C3orf20: variants seen among roughly 807,000 people sequenced by gnomAD.
C3orf20 encodes uncharacterized protein C3orf20.
C3orf20 carries 76 observed loss-of-function variants against 88.3 expected under a neutral mutation model. That is an observed-to-expected ratio of 0.86 (90% CI 0.72 to 1.04). The LOEUF is 1.04. Ranked by LOEUF, C3orf20 falls within the 50% of genes least tolerant of loss-of-function variation. The pLI is 0.00. For synonymous variants in C3orf20, 436 were observed against 437.4 expected, an observed-to-expected ratio of 1.00 and a Z score of 0.04; for missense variants, 1,056 against 1,123.3, an observed-to-expected ratio of 0.94 and a Z score of 0.86.
In C3orf20 at chr3:14,759,727, G is replaced by C. The variant is rs1168027059; in HGVS notation, c.2245-164G>C. 2.0e-5 allele frequency among the ~76,000 whole-genome samples: 3 copies of C among 152,182 alleles called. No individual in the cohort carries two copies. The East Asian group carries it at 5.8e-4, about 29-fold the overall frequency. On this transcript the variant is annotated intron_variant, in intron 13 of 16. Coordinates refer to ENST00000253697, the MANE Select transcript of C3orf20 (RefSeq NM_032137.5). ...CATCCTCAAGGGACAGTCATGGGAG[G>C]TGTGCATGCAGGCCCAAGGGCCCCT...
At chr3:14,767,489 T>A (rs1206561980) in intron 15 of C3orf20, 1 of 152,200 alleles carries the variant, frequency 6.6e-6, no homozygotes, top group Middle Eastern at 3.1e-3. Context: ...CCCTGTGGGA[T>A]GGGGGTGTAG....
At chr3:14,681,774 ACT>A (rs2032106614) in intron 1 of C3orf20, among the ~76,000 whole-genome samples, 1 of 151,688 alleles carries the variant, frequency 6.6e-6, no homozygotes, top group East Asian at 1.9e-4. Flanking sequence ...TGGTTACAAA[ACT>A]CTGCCAGTGT....
chr3:14,756,047 A>G (rs1228650481), intron 12 of C3orf20, among the ~76,000 whole-genome samples: 1 of 137,438 alleles, frequency 7.3e-6, no homozygotes, highest in Non-Finnish European at 1.6e-5. Flanking sequence ...AAAAAAAAAA[A>G]GAAAAAGAAA....
chr3:14,761,709 C>T, intron 15 of C3orf20, 94 bp downstream of exon 15: 1 of 1,270,794 alleles, frequency 7.9e-7, no homozygotes, highest in Admixed American at 1.8e-5. Flanking sequence ...CTGAGGGGAG[C>T]AGGCGGGGCT....
At chr3:14,764,846 A>C (rs1232475891) in intron 15 of C3orf20, 1 of 152,252 alleles carries the variant, frequency 6.6e-6, no homozygotes, top group Non-Finnish European at 1.5e-5. Context: ...GCAGCATTAC[A>C]CATTCCATTG....
In C3orf20 at chr3:14,743,561, C is replaced by T. The variant is rs534043214; in HGVS notation, c.1941-13810C>T. 3.3e-5 allele frequency among the ~76,000 whole-genome samples: 5 copies of T among 152,108 alleles called. No homozygotes were observed. The South Asian group carries it at 1.0e-3, about 32-fold the overall frequency. ...TCTCACAGCTCCACTAGGCAGTGCC[C>T]CAGTAGGGACTTTGCATGGGGGCTC... On this transcript the variant is annotated intron_variant, in intron 12 of 16. Transcript: ENST00000253697.
In C3orf20 at chr3:14,682,736, T is replaced by C. The variant is rs1355685011; in HGVS notation, c.23T>C (p.Leu8Pro). The part of the protein sequence containing the change: MSYIKSN[L>P]ELYQQYTAMA... ...CTCATGAGTTACATCAAGAGTAACC[T>C]AGAATTATATCAGCAATACACAGCC... is the stretch of plus-strand genomic sequence containing the variant. The change falls in exon 3 of 17, where the codon CTA (leucine) becomes CCA (proline). Residue 8 changes from leucine (L) to proline (P), a missense_variant. Coordinates refer to ENST00000253697, the MANE Select transcript of C3orf20 (RefSeq NM_032137.5). The C allele has an allele frequency of 1.2e-6, 2 of 1,612,724 alleles. No homozygotes were observed. Among genetic ancestry groups the C allele is most frequent in the East Asian group, 2.2e-5 (1 of 44,884 alleles).
chr3:14,721,991 G>C, intron 10 of C3orf20: 1 of 582,800 alleles, frequency 1.7e-6, no homozygotes, highest in East Asian at 3.0e-5. Context: ...CCAGTTGTAA[G>C]TGACAGAATC....
intron 12 of C3orf20, among the ~76,000 whole-genome samples, chr3:14,742,833 C>T (rs112982634): frequency 0.2 from 30,048 of 151,282 alleles, 3,046 homozygotes; most frequent in East Asian, 0.32. Flanking sequence ...GCAGAAACCC[C>T]TGATAAACCC....
chr3:14,769,928 A>G (rs2035814605), intron 15 of C3orf20, among the ~76,000 whole-genome samples: 1 of 150,898 alleles, frequency 6.6e-6, no homozygotes, highest in Admixed American at 6.6e-5. Flanking sequence ...TGCTCTGGGA[A>G]TGAATGAAAG....
chr3:14,686,909 T>C (rs1304224899), intron 4 of C3orf20, among the ~76,000 whole-genome samples: 1 of 152,242 alleles, frequency 6.6e-6, no homozygotes, highest in East Asian at 1.9e-4. Context: ...AAACATCTGC[T>C]AATACACACA....
At chr3:14,715,222 A>G in intron 8 of C3orf20, 67 bp from the exon 9 acceptor site, 1 of 1,574,292 alleles carries the variant, frequency 6.4e-7, no homozygotes, top group Non-Finnish European at 8.6e-7. Context: ...GTCTGCCCAT[A>G]ACCTGCGGTG....
intron 7 of C3orf20, among the ~76,000 whole-genome samples, chr3:14,712,182 GCA>G (rs1198777411): frequency 0.25 from 5,518 of 22,280 alleles, 132 homozygotes; most frequent in Admixed American, 0.26. Context: ...ACGCGCGCGC[GCA>G]CACACACACA....
chr3:14,768,485 A>G lies in C3orf20; in HGVS notation c.2496-3582A>G, dbSNP rs2035776798. On this transcript the variant is annotated intron_variant, in intron 15 of 16. Coordinates refer to ENST00000253697, the MANE Select transcript of C3orf20 (RefSeq NM_032137.5). This position sits in a 1 kb window ranked among gnomAD's most constrained non-coding sequence, Gnocchi z 4.1. ...CTTTCCTGACTTGATCCTACAGGCA[A>G]TGGGGAGCTAATGAAGGTTCTTGAG... Among the ~76,000 whole-genome samples the G allele has an allele frequency of 6.6e-6, 1 of 151,972 alleles. No homozygotes were observed. The highest frequency in any genetic ancestry group is 1.5e-5 in the Non-Finnish European group (1 of 68,018).
intron 9 of C3orf20, 40 bp from the exon 10 acceptor site, chr3:14,721,613 T>C (rs746604929): frequency 6.2e-6 from 10 of 1,608,212 alleles, no homozygotes; most frequent in South Asian, 1.1e-5. Context: ...CTGGGGCCGT[T>C]GAAGCAGGGA....
chr3:14,772,674 A>G lies in C3orf20; in HGVS notation c.2631-117A>G. 3 of 767,634 alleles carry G rather than the reference A, an allele frequency of 3.9e-6. No homozygotes were observed. The highest frequency in any genetic ancestry group is 4.4e-6 in the Non-Finnish European group (2 of 455,932). 47.6% of individuals were successfully genotyped at this position (767,634 alleles called of 1,614,324 possible). A position where few individuals can be genotyped will look rare whatever the true frequency, so the allele number is the denominator to read the frequency against. On this transcript the variant is annotated intron_variant, in intron 16 of 16. Transcript: ENST00000253697. This position sits in a 1 kb window ranked among gnomAD's most constrained non-coding sequence, Gnocchi z 4.2. ...GGGCCCTCTGGTTGGAACAGCACCC[A>G]ACAGCCTCACCTGTGCAAGGGAGAG...
intron 1 of C3orf20, among the ~76,000 whole-genome samples, chr3:14,678,092 G>T (rs1438233993): frequency 6.6e-6 from 1 of 152,036 alleles, no homozygotes; most frequent in Non-Finnish European, 1.5e-5. Flanking sequence ...CCACAAACTT[G>T]TCAGGGCTGT....
chr3:14,700,894 G>C (rs1355546187), intron 5 of C3orf20, among the ~76,000 whole-genome samples: 1 of 152,236 alleles, frequency 6.6e-6, no homozygotes, highest in Non-Finnish European at 1.5e-5. Context: ...CACCTCACCT[G>C]CTGACAGTTC....
intron 12 of C3orf20, among the ~76,000 whole-genome samples, chr3:14,756,220 A>G (rs1266695779): frequency 6.6e-6 from 1 of 151,182 alleles, no homozygotes; most frequent in Non-Finnish European, 1.5e-5. Context: ...ATAGACATCG[A>G]TAAAGGTAGA....
Sources: allele counts gnomAD v4.1 joint callset (sites outside exome capture counted in the v4.1 genomes callset), GRCh38; gene constraint gnomAD v4.1.1; non-coding constraint Gnocchi (gnomAD v3.1); transcripts MANE v1.5; gene names NCBI Gene and HGNC (gene_info 2026-07-23, HGNC 2026-07-21).